The following AP1S3 variants were observed in gnomAD, a reference collection of about 807,000 sequenced individuals.
AP1S3 encodes the protein adaptor related protein complex 1 subunit sigma 3.
A neutral mutation model predicts 20.9 loss-of-function variants in AP1S3; 10 were observed. That is an observed-to-expected ratio of 0.48 (90% CI 0.29 to 0.81). The LOEUF is 0.81. Among genes scored for constraint, AP1S3 ranks in the 30% least tolerant of loss-of-function variants. The probability of loss-of-function intolerance (pLI) is 0.08; values close to 1 mark genes in which losing one functional copy is unlikely to be tolerated. For missense variants in AP1S3, 154 were observed against 183.8 expected (o/e 0.84, Z 0.94); for synonymous variants, 41 against 61.5 (o/e 0.67, Z 1.56).
chr2:223,788,292 G>A (rs552421977), intron 1 of AP1S3, among the ~76,000 whole-genome samples: 2 of 151,282 alleles, frequency 1.3e-5, no homozygotes, highest in East Asian at 4.0e-4. Context: ...TCACCACTCA[G>A]AGGACTTACA....
At chr2:223,785,678 C>T (rs1394045281) in intron 1 of AP1S3, among the ~76,000 whole-genome samples, 4 of 152,188 alleles carry the variant, frequency 2.6e-5, no homozygotes, top group African/African-American at 4.8e-5. Context: ...AGAGATGGCA[C>T]ATTACTCAGG....
rs1330967096 is a variant in AP1S3, at chr2:223,795,355, A to T, written c.4-17486T>A. 2.6e-5 allele frequency among the ~76,000 whole-genome samples: 4 copies of T among 152,214 alleles called. No individual in the cohort carries two copies. The East Asian group carries it at 7.7e-4, about 29-fold the overall frequency. ...CCAGCATGCTCTGGGTAGAAATAAG[A>T]TTTGCCAGACGGAAGTTTCCCAGAC... On this transcript the variant is annotated intron_variant, in intron 1 of 4. Coordinates refer to ENST00000396654, the MANE Select transcript of AP1S3 (RefSeq NM_001039569.2).
chr2:223,760,854 T>C (rs1690336098), intron 4 of AP1S3, among the ~76,000 whole-genome samples: 1 of 152,216 alleles, frequency 6.6e-6, no homozygotes, highest in Non-Finnish European at 1.5e-5. Context: ...CTACGTACTT[T>C]TTGCAGTTAA....
intron 3 of AP1S3, among the ~76,000 whole-genome samples, chr2:223,771,825 G>A (rs1690635049): frequency 6.6e-6 from 1 of 152,148 alleles, no homozygotes; most frequent in Admixed American, 6.5e-5. Flanking sequence ...AATAAGAATA[G>A]GCCGGGCACA....
At chr2:223,792,456 T>TA (rs1691234111) in intron 1 of AP1S3, among the ~76,000 whole-genome samples, 1 of 151,932 alleles carries the variant, frequency 6.6e-6, no homozygotes, top group Non-Finnish European at 1.5e-5. Flanking sequence ...ATTAAATAAA[T>TA]AAAAATAATC....
At position 223,765,310 on chromosome 2, in the gene AP1S3, T is replaced by C. The variant is rs776689811; in HGVS notation, c.332A>G (p.Tyr111Cys). The C allele has an allele frequency of 6.8e-6, 11 of 1,613,530 alleles. No individual in the cohort carries two copies. Among genetic ancestry groups the C allele is most frequent in the Non-Finnish European group, 9.3e-6 (11 of 1,179,928 alleles). The part of the protein sequence containing the change: ...LDIIFNFEKA[Y>C]FILDEFIIGG... ...TATTATAAACTCGTCCAGGATGAAA[T>C]AAGCCTTTTCAAAATTAAAGATAAT... Residue 111 changes from tyrosine to cysteine, a missense_variant, in exon 4 of 5, where the codon TAT becomes TGT. Coordinates refer to ENST00000396654, the MANE Select transcript of AP1S3 (RefSeq NM_001039569.2).
intron 1 of AP1S3, among the ~76,000 whole-genome samples, chr2:223,832,072 G>A (rs1457798594): frequency 2.5e-5 from 3 of 121,076 alleles, no homozygotes; most frequent in East Asian, 4.8e-4. Flanking sequence ...GTAAGACTCC[G>A]TCTCAAAAAA....
At chr2:223,803,954 T>G (rs1463420444) in intron 1 of AP1S3, among the ~76,000 whole-genome samples, 1 of 152,018 alleles carries the variant, frequency 6.6e-6, no homozygotes, top group Non-Finnish European at 1.5e-5. Flanking sequence ...TTTCCTGACC[T>G]TTGAAAGGTG....
At chr2:223,832,090 TC>T (rs1692275466) in intron 1 of AP1S3, among the ~76,000 whole-genome samples, 1 of 37,314 alleles carries the variant, frequency 2.7e-5, no homozygotes. Flanking sequence ...AAAAAAAAAA[TC>T]AAAAAAAGGA....
chr2:223,761,917 C>T (rs188555013), intron 4 of AP1S3, among the ~76,000 whole-genome samples: 90 of 152,096 alleles, frequency 5.9e-4, no homozygotes, highest in Admixed American at 1.2e-3. Flanking sequence ...TACTGTTTGT[C>T]GCTCCTACCT....
intron 1 of AP1S3, among the ~76,000 whole-genome samples, chr2:223,824,472 T>C (rs1479217132): frequency 6.6e-6 from 1 of 152,198 alleles, no homozygotes; most frequent in Non-Finnish European, 1.5e-5. Context: ...TGCGGTTGAG[T>C]GGCTGAGGCA....
chr2:223,791,769 A>G (rs1232248312), intron 1 of AP1S3, among the ~76,000 whole-genome samples: 4 of 152,228 alleles, frequency 2.6e-5, no homozygotes, highest in African/African-American at 9.6e-5. Context: ...ACATGATCCT[A>G]TATCTAGAAA....
chr2:223,779,377 C>T (rs150584757), intron 1 of AP1S3, among the ~76,000 whole-genome samples: 45 of 152,044 alleles, frequency 3.0e-4, no homozygotes, highest in South Asian at 1.9e-3. Flanking sequence ...GACCCCATCT[C>T]TAAATTTTTA....
intron 1 of AP1S3, among the ~76,000 whole-genome samples, chr2:223,803,879 CAA>C (rs530429797): frequency 5.7e-4 from 41 of 72,118 alleles, no homozygotes; most frequent in East Asian, 9.7e-4. Flanking sequence ...GACTCCGTCT[CAA>C]AAAAAAAAAA....
At chr2:223,776,148 C>T (rs1461274792) in intron 2 of AP1S3, 139 bp from the exon 3 acceptor site, 1 of 716,848 alleles carries the variant, frequency 1.4e-6, no homozygotes, top group Non-Finnish European at 2.6e-6. Flanking sequence ...TTCATCACCC[C>T]CAATAGCCTC....
chr2:223,803,526 T>C (rs1015838402), intron 1 of AP1S3, among the ~76,000 whole-genome samples: 1 of 152,220 alleles, frequency 6.6e-6, no homozygotes, highest in Non-Finnish European at 1.5e-5. Flanking sequence ...CCAGGATGGC[T>C]GGTCATGTAA....
intron 1 of AP1S3, among the ~76,000 whole-genome samples, chr2:223,784,476 ACCCTC>A (rs1435081848): frequency 6.6e-6 from 1 of 152,068 alleles, no homozygotes; most frequent in Non-Finnish European, 1.5e-5. Flanking sequence ...CTGGCTTTCA[ACCCTC>A]ACCTACCTCT....
At chr2:223,787,644 C>A (rs534267524) in intron 1 of AP1S3, among the ~76,000 whole-genome samples, 1 of 152,292 alleles carries the variant, frequency 6.6e-6, no homozygotes, top group Admixed American at 6.5e-5. Flanking sequence ...AGGCAGAGTT[C>A]TGAAAGCAGG....
chr2:223,795,037 G>T (rs1293581765), intron 1 of AP1S3, among the ~76,000 whole-genome samples: 1 of 152,292 alleles, frequency 6.6e-6, no homozygotes, highest in African/African-American at 2.4e-5. Flanking sequence ...ATAACCTGAG[G>T]TCAGGAGTTG....
Sources: gnomAD v4.1 joint callset for allele counts (sites outside exome capture counted in the v4.1 genomes callset) on GRCh38, gnomAD v4.1.1 for gene constraint, MANE v1.5 for transcripts, NCBI Gene and HGNC (gene_info 2026-07-23, HGNC 2026-07-21) for gene names.